CYP2C18: variants seen among roughly 807,000 people sequenced by gnomAD.
CYP2C18 encodes the protein cytochrome P450 2C18.
Under a neutral mutation model 41.3 loss-of-function variants are expected in CYP2C18, and 38 were observed. That is an observed-to-expected ratio of 0.92 (90% CI 0.71 to 1.21). CYP2C18 has a LOEUF of 1.21. CYP2C18 is among the 50% of genes most tolerant of loss of function. The pLI, the probability that CYP2C18 is intolerant of heterozygous loss-of-function variation, is 0.00. For missense variants in CYP2C18, 635 were observed against 591.4 expected (o/e 1.07, Z -0.77); for synonymous variants, 236 against 210.0 (o/e 1.12, Z -1.07).
chr10:94,693,342 A>G (rs2901783), intron 3 of CYP2C18, among the ~76,000 whole-genome samples: 39,046 of 151,748 alleles, frequency 0.26, 5,340 homozygotes, highest in South Asian at 0.45. Flanking sequence ...TTTTGCTTTG[A>G]CTTTTGCCAT....
At chr10:94,733,239 A>C (rs1366023555) in intron 7 of CYP2C18, 58 bp from the exon 8 acceptor site, 1 of 1,519,898 alleles carries the variant, frequency 6.6e-7, no homozygotes, top group African/African-American at 1.4e-5. Flanking sequence ...GATTTCCATC[A>C]CTTCTTCCCA....
At chr10:94,730,741 T>A (rs1261014258) in intron 7 of CYP2C18, among the ~76,000 whole-genome samples, 1 of 152,010 alleles carries the variant, frequency 6.6e-6, no homozygotes, top group Non-Finnish European at 1.5e-5. Flanking sequence ...TCGAAATATC[T>A]CTCTTCACTG....
chr10:94,694,849 C>A, intron 3 of CYP2C18, 68 bp from the exon 4 acceptor site: 1 of 1,512,136 alleles, frequency 6.6e-7, no homozygotes, highest in South Asian at 1.2e-5. Flanking sequence ...ATACTTTTTC[C>A]TGTATCAAAG....
At chr10:94,706,678 G>T (rs538902334) in intron 4 of CYP2C18, 106 bp from the exon 5 acceptor site, 1 of 612,102 alleles carries the variant, frequency 1.6e-6, no homozygotes, top group African/African-American at 1.8e-5. Context: ...TCTTACAGAG[G>T]GAGATAATTT....
At chr10:94,724,799 A>T (rs1225362390) in intron 7 of CYP2C18, among the ~76,000 whole-genome samples, 1 of 151,754 alleles carries the variant, frequency 6.6e-6, no homozygotes, top group Non-Finnish European at 1.5e-5. Context: ...TACATTTCCA[A>T]GTAAGTGTTG....
chr10:94,691,639 A>C (rs1003206876), intron 3 of CYP2C18, among the ~76,000 whole-genome samples: 15 of 152,158 alleles, frequency 9.9e-5, no homozygotes, highest in South Asian at 4.1e-4. Flanking sequence ...CATCAAGCTA[A>C]CAATGACTTT....
chr10:94,710,725 A>G (rs1187735461), intron 5 of CYP2C18, among the ~76,000 whole-genome samples: 6 of 152,268 alleles, frequency 3.9e-5, no homozygotes, highest in South Asian at 4.1e-4. Context: ...AAACTGTGTT[A>G]AGTTGATGTT....
In CYP2C18 at chr10:94,724,345, G is replaced by C; in HGVS notation, c.962-1G>C. Reference sequence around the variant, plus strand: ...ATCATTTCTTACTTGTGTCTTATCAGCTAAAGTCCAGGAAGAGATTGAATG... The same window carrying C: ...ATCATTTCTTACTTGTGTCTTATCACCTAAAGTCCAGGAAGAGATTGAATG... On this transcript the variant is annotated splice_acceptor_variant, in intron 6 of 8. Coordinates refer to ENST00000285979, the MANE Select transcript of CYP2C18 (RefSeq NM_000772.3). LOFTEE classifies it high-confidence loss of function. 6.2e-7 allele frequency: 1 copy of C among 1,612,920 alleles called. No individual in the cohort carries two copies. The highest frequency in any genetic ancestry group is 8.5e-7 in the Non-Finnish European group (1 of 1,179,384).
At chr10:94,695,129 A>G (rs765153047) in intron 4 of CYP2C18, 52 bp downstream of exon 4, 5 of 1,496,680 alleles carry the variant, frequency 3.3e-6, no homozygotes, top group Middle Eastern at 2.4e-4. Flanking sequence ...ATTTTATCAG[A>G]CAGTCCAATT....
At position 94,735,602 on chromosome 10, in the gene CYP2C18, T is replaced by G; in HGVS notation, c.*158T>G. The G allele has an allele frequency of 1.4e-6, 1 of 700,878 alleles. No homozygotes were observed. The highest frequency in any genetic ancestry group is 1.9e-5 in the South Asian group (1 of 53,410). 43.4% of individuals were successfully genotyped at this position (700,878 alleles called of 1,614,324 possible). A position where few individuals can be genotyped will look rare whatever the true frequency, so the allele number is the denominator to read the frequency against. On this transcript the variant is annotated 3_prime_UTR_variant, in exon 9 of 9. Coordinates refer to ENST00000285979, the MANE Select transcript of CYP2C18 (RefSeq NM_000772.3). Reference sequence around the variant, plus strand: ...AGATCCAATGAACATCCAACCTCCATTAAAGAGAGTTTCTTGGGTCACTTC... The same window carrying G: ...AGATCCAATGAACATCCAACCTCCAGTAAAGAGAGTTTCTTGGGTCACTTC...
intron 1 of CYP2C18, 96 bp from the exon 2 acceptor site, chr10:94,687,674 A>G: frequency 9.2e-7 from 1 of 1,082,676 alleles, no homozygotes; most frequent in Non-Finnish European, 1.4e-6. Context: ...AATAATCATA[A>G]CAACATTATG....
intron 3 of CYP2C18, among the ~76,000 whole-genome samples, chr10:94,690,794 G>A (rs1846983771): frequency 6.6e-6 from 1 of 152,128 alleles, no homozygotes; most frequent in Admixed American, 6.6e-5. Context: ...CTGGCAAACT[G>A]AATCCAGCAA....
chr10:94,707,082 T>G, intron 5 of CYP2C18, 122 bp downstream of exon 5: 1 of 636,526 alleles, frequency 1.6e-6, no homozygotes, highest in Non-Finnish European at 2.6e-6. Context: ...TGTATAGATC[T>G]GGATGAAGCA....
chr10:94,710,016 G>C (rs1847409409), intron 5 of CYP2C18, among the ~76,000 whole-genome samples: 1 of 151,952 alleles, frequency 6.6e-6, no homozygotes, highest in African/African-American at 2.4e-5. Context: ...TCTCGCTCTG[G>C]TTGCCTAGGC....
intron 4 of CYP2C18, among the ~76,000 whole-genome samples, chr10:94,695,573 G>T (rs1389652264): frequency 2.0e-5 from 3 of 152,150 alleles, no homozygotes; most frequent in Non-Finnish European, 4.4e-5. Flanking sequence ...GAAGACAGAT[G>T]ATTTCTGCAT....
chr10:94,732,853 GCT>G (rs1204810870), intron 7 of CYP2C18, among the ~76,000 whole-genome samples: 1 of 151,982 alleles, frequency 6.6e-6, no homozygotes, highest in Non-Finnish European at 1.5e-5. Context: ...TGGATACTGT[GCT>G]CTCTACTCGG....
chr10:94,711,690 C>T (rs1482494005), intron 5 of CYP2C18, among the ~76,000 whole-genome samples: 5 of 152,108 alleles, frequency 3.3e-5, no homozygotes, highest in Non-Finnish European at 2.9e-5. Flanking sequence ...GGATTTAAGG[C>T]ATGAGCCACT....
chr10:94,703,391 C>G (rs1323193669), intron 4 of CYP2C18, among the ~76,000 whole-genome samples: 1 of 152,202 alleles, frequency 6.6e-6, no homozygotes, highest in Non-Finnish European at 1.5e-5. Flanking sequence ...ATCTATAGTC[C>G]CCTACTGGGG....
At position 94,709,522 on chromosome 10, in the gene CYP2C18, AT is replaced by A. The variant is rs144949089; in HGVS notation, c.819+2564del. Among the ~76,000 whole-genome samples the A allele has an allele frequency of 8.9e-3, 1,358 of 152,292 alleles. 21 individuals are homozygous for A. The highest frequency in any genetic ancestry group is 0.03 in the African/African-American group (1,232 of 41,562). ...AGATAAAAGTCCCATATCAGATGTT[AT>A]TAAAGATATTTTCTCCCATTTTGTC... is the stretch of plus-strand genomic sequence containing the variant. On this transcript the variant is annotated intron_variant, in intron 5 of 8. Transcript: ENST00000285979.
Sources: allele counts gnomAD v4.1 joint callset (sites outside exome capture counted in the v4.1 genomes callset), GRCh38; gene constraint gnomAD v4.1.1; transcripts MANE v1.5; gene names NCBI Gene and HGNC (gene_info 2026-07-23, HGNC 2026-07-21).